Variants in XIRP2 observed in about 807,000 individuals in gnomAD.
The protein encoded by XIRP2 is xin actin binding repeat containing 2.
In XIRP2, 236 loss-of-function variants were observed where a neutral mutation model predicts 277.0. The observed-to-expected ratio is 0.85, with a 90% CI of 0.77 to 0.95. The LOEUF is 0.95. Among genes scored for constraint, XIRP2 ranks in the 40% least tolerant of loss-of-function variants. The pLI, the probability that XIRP2 is intolerant of heterozygous loss-of-function variation, is 0.00. For missense variants in XIRP2, 4,640 were observed against 4,157.5 expected (o/e 1.12, Z -3.19); for synonymous variants, 1,490 against 1,416.5 (o/e 1.05, Z -1.17).
In XIRP2 at chr2:166,995,348, C is replaced by G. The variant is rs555303108; in HGVS notation, c.408+91458C>G. Among the ~76,000 whole-genome samples the G allele has an allele frequency of 2.6e-5, 4 of 152,296 alleles. No individual in the cohort carries two copies. In the South Asian group the frequency reaches 6.2e-4, roughly 24 times the overall value. ...CAAAAACGTTAGTGACCTCTTTTCT[C>G]TAAGTGATGCTTTAAGTGGTACTTT... On this transcript the variant is annotated intron_variant, in intron 2 of 10. Coordinates refer to ENST00000409195, the MANE Select transcript of XIRP2 (RefSeq NM_152381.6).
chr2:167,149,701 G>T (rs1416640329), intron 3 of XIRP2, among the ~76,000 whole-genome samples: 1 of 151,948 alleles, frequency 6.6e-6, no homozygotes, highest in South Asian at 2.1e-4. Flanking sequence ...AAATATTTAT[G>T]ACTTCAGAAT....
intron 3 of XIRP2, among the ~76,000 whole-genome samples, chr2:167,201,320 CGAAGGAAG>C (rs145180470): frequency 0.02 from 1,881 of 92,200 alleles, 32 homozygotes; most frequent in South Asian, 0.043. Flanking sequence ...AAGGAAAGAA[CGAAGGAAG>C]GAAGGAAGGA....
intron 2 of XIRP2, among the ~76,000 whole-genome samples, chr2:166,955,675 T>C (rs1300072815): frequency 1.3e-5 from 2 of 151,890 alleles, no homozygotes; most frequent in Non-Finnish European, 2.9e-5. Flanking sequence ...AGAGTAATCA[T>C]CTTTTCTATA....
At chr2:167,020,371 C>T (rs924861966) in intron 2 of XIRP2, among the ~76,000 whole-genome samples, 1 of 151,802 alleles carries the variant, frequency 6.6e-6, no homozygotes, top group African/African-American at 2.4e-5. Flanking sequence ...GATGAAAAAG[C>T]CTATTCTTCT....
At chr2:167,122,417 A>G (rs1691082070) in intron 2 of XIRP2, among the ~76,000 whole-genome samples, 1 of 152,188 alleles carries the variant, frequency 6.6e-6, no homozygotes, top group African/African-American at 2.4e-5. Context: ...ATTCTAGGAG[A>G]AGCAAGGATG....
Position 167,105,459 on chromosome 2 carries a change from A to G in XIRP2, c.409-30450A>G, listed in dbSNP as rs1690593216. ...TCTTCATTCAGCTTGGGATCCATCTAAGTGGTTGAGTATATGTACAAATAG... is the reference window on the plus strand; with the variant it reads ...TCTTCATTCAGCTTGGGATCCATCTGAGTGGTTGAGTATATGTACAAATAG... On this transcript the variant is annotated intron_variant, in intron 2 of 10. Coordinates refer to ENST00000409195, the MANE Select transcript of XIRP2 (RefSeq NM_152381.6). 2.0e-5 allele frequency among the ~76,000 whole-genome samples: 3 copies of G among 151,926 alleles called. No individual in the cohort carries two copies. In the South Asian group the frequency reaches 6.2e-4, roughly 31 times the overall value.
At chr2:166,972,597 A>C (rs1194219154) in intron 2 of XIRP2, among the ~76,000 whole-genome samples, 1 of 152,178 alleles carries the variant, frequency 6.6e-6, no homozygotes, top group African/African-American at 2.4e-5. Flanking sequence ...CCAGCCATAA[A>C]GTTTTATTAA....
intron 3 of XIRP2, among the ~76,000 whole-genome samples, chr2:167,188,943 T>C (rs1693243966): frequency 6.6e-6 from 1 of 152,202 alleles, no homozygotes; most frequent in Non-Finnish European, 1.5e-5. Flanking sequence ...TGGAAAAATG[T>C]CAGTTTGGGC....
chr2:166,968,294 G>C (rs1044890803), intron 2 of XIRP2, among the ~76,000 whole-genome samples: 1 of 151,878 alleles, frequency 6.6e-6, no homozygotes, highest in Non-Finnish European at 1.5e-5. Flanking sequence ...TTCTAAAATT[G>C]CTTACGTAGA....
intron 5 of XIRP2, among the ~76,000 whole-genome samples, chr2:167,233,710 A>T (rs954202538): frequency 7.3e-5 from 11 of 151,138 alleles, no homozygotes; most frequent in Non-Finnish European, 1.5e-4. Context: ...AGAATATTTT[A>T]TTTTTTTTGT....
chr2:167,205,600 T>C (rs1217176423), intron 3 of XIRP2, among the ~76,000 whole-genome samples: 2 of 152,124 alleles, frequency 1.3e-5, no homozygotes, highest in Non-Finnish European at 2.9e-5. Flanking sequence ...TTCTATCTCA[T>C]TTAATATATG....
At chr2:167,120,188 C>T (rs1040060348) in intron 2 of XIRP2, among the ~76,000 whole-genome samples, 1 of 152,064 alleles carries the variant, frequency 6.6e-6, no homozygotes, top group Non-Finnish European at 1.5e-5. Context: ...ATACGAGGCC[C>T]TTTCTGCACT....
intron 2 of XIRP2, among the ~76,000 whole-genome samples, chr2:166,996,130 C>A (rs919349588): frequency 6.6e-6 from 1 of 152,124 alleles, no homozygotes; most frequent in Non-Finnish European, 1.5e-5. Context: ...GAATCTTTTT[C>A]TTTTCTTATA....
intron 2 of XIRP2, among the ~76,000 whole-genome samples, chr2:167,129,953 G>GTT (rs1691327446): frequency 1.3e-5 from 2 of 151,168 alleles, no homozygotes; most frequent in Admixed American, 1.3e-4. Context: ...TGCTTTCCTC[G>GTT]TTTTGAAGAG....
At chr2:167,127,854 T>A (rs1691252208) in intron 2 of XIRP2, among the ~76,000 whole-genome samples, 1 of 152,198 alleles carries the variant, frequency 6.6e-6, no homozygotes, top group Non-Finnish European at 1.5e-5. Context: ...ATGCATGAAA[T>A]TAACATAGGG....
chr2:167,064,929 C>A (rs775641616), intron 2 of XIRP2, among the ~76,000 whole-genome samples: 5 of 151,796 alleles, frequency 3.3e-5, no homozygotes, highest in Non-Finnish European at 7.4e-5. Context: ...TTGCTTCTAC[C>A]TTTTGGCTAT....
chr2:167,205,697 T>C (rs941876695), intron 3 of XIRP2, among the ~76,000 whole-genome samples: 4 of 152,184 alleles, frequency 2.6e-5, no homozygotes, highest in Non-Finnish European at 4.4e-5. Context: ...TAATTTATTG[T>C]CCAATATATT....
Position 167,244,808 on chromosome 2 carries a change from T to C in XIRP2, c.3416T>C (p.Ile1139Thr). 3.7e-6 allele frequency: 6 copies of C among 1,613,720 alleles called. No individual in the cohort carries two copies. Among genetic ancestry groups the C allele is most frequent in the Non-Finnish European group, 5.1e-6 (6 of 1,179,756 alleles). Reference sequence around the variant, plus strand: ...TTTGAAACTCAGCCACTTGATACCATAAAAGATGACTCTGAAACAGCAGTC... The same window carrying C: ...TTTGAAACTCAGCCACTTGATACCACAAAAGATGACTCTGAAACAGCAGTC... The part of the protein sequence containing the change: ...WLFETQPLDT[I>T]KDDSETAVKL... Residue 1139 changes from isoleucine (I) to threonine (T), a missense_variant, in exon 9 of 11, where the codon ATA becomes ACA. Coordinates refer to ENST00000409195, the MANE Select transcript of XIRP2 (RefSeq NM_152381.6).
chr2:167,239,738 C>A (rs763781343), intron 5 of XIRP2, 117 bp from the exon 6 acceptor site: 21 of 846,974 alleles, frequency 2.5e-5, no homozygotes, highest in Non-Finnish European at 3.9e-5. Context: ...GCCAAGAAAA[C>A]TAATATACTA....
Sources: gnomAD v4.1 joint callset for allele counts (sites outside exome capture counted in the v4.1 genomes callset) on GRCh38, gnomAD v4.1.1 for gene constraint, MANE v1.5 for transcripts, NCBI Gene and HGNC (gene_info 2026-07-23, HGNC 2026-07-21) for gene names.